Variants in KLHL32 observed in about 807,000 individuals in gnomAD.
KLHL32 encodes kelch like family member 32, also known as kelch-like protein 32.
Under a neutral mutation model 64.8 loss-of-function variants are expected in KLHL32, and 35 were observed. The observed-to-expected ratio is 0.54, with a 90% confidence interval of 0.41 to 0.72. The LOEUF (loss-of-function observed/expected upper bound fraction) is 0.72, where lower values mean the gene tolerates loss of function less well. Among genes scored for constraint, KLHL32 ranks in the 30% least tolerant of loss-of-function variants. The pLI is 0.00. For synonymous variants in KLHL32, 259 were observed against 281.0 expected (o/e 0.92, Z 0.78); for missense variants, 589 against 768.5 (o/e 0.77, Z 2.76).
chr6:96,942,770 A>G (rs188360426), intron 1 of KLHL32, among the ~76,000 whole-genome samples: 14 of 151,918 alleles, frequency 9.2e-5, no homozygotes, highest in Admixed American at 8.5e-4. Context: ...AGATTGAAAA[A>G]GACTTTCCCC....
At position 97,064,666 on chromosome 6, in the gene KLHL32, A is replaced by G; in HGVS notation, c.351A>G (p.Ala117=). 1 of 1,614,180 alleles carries G rather than the reference A, an allele frequency of 6.2e-7. No homozygotes were observed. Among genetic ancestry groups the G allele is most frequent in the Non-Finnish European group, 8.5e-7 (1 of 1,180,020 alleles). The change falls in exon 5 of 11, where the codon GCA becomes GCG. Residue 117 remains alanine (A), a synonymous_variant. Transcript: ENST00000369261. ...LEPGVIQDVL[A]AGSHLQLLEL... is the part of the protein sequence containing the mutation. Reference sequence around the variant, plus strand: ...CAGGTGTGATCCAGGATGTGCTAGCAGCGGGCAGTCACCTACAGCTGTTGG... The same window carrying G: ...CAGGTGTGATCCAGGATGTGCTAGCGGCGGGCAGTCACCTACAGCTGTTGG...
intron 1 of KLHL32, among the ~76,000 whole-genome samples, chr6:96,929,202 A>G (rs916640065): frequency 1.1e-4 from 16 of 152,198 alleles, no homozygotes; most frequent in Admixed American, 9.8e-4. Flanking sequence ...AGCACTGGGG[A>G]TATTTGTCAT....
chr6:97,066,947 A>G (rs557175638), intron 5 of KLHL32, among the ~76,000 whole-genome samples: 5 of 152,220 alleles, frequency 3.3e-5, no homozygotes, highest in African/African-American at 9.6e-5. Context: ...CCTTCAATCA[A>G]TGCTGATATA....
chr6:97,083,375 G>A (rs1225673378), intron 5 of KLHL32, among the ~76,000 whole-genome samples: 1 of 139,202 alleles, frequency 7.2e-6, no homozygotes, highest in Non-Finnish European at 1.5e-5. Context: ...GGGCGACAGA[G>A]CAAGACTCCG....
At chr6:97,013,503 A>G (rs1780686269) in intron 3 of KLHL32, among the ~76,000 whole-genome samples, 1 of 152,172 alleles carries the variant, frequency 6.6e-6, no homozygotes, top group Non-Finnish European at 1.5e-5. Context: ...TGTTTTTACT[A>G]AGAAAGTCCC....
At chr6:97,074,698 C>G (rs150398681) in intron 5 of KLHL32, among the ~76,000 whole-genome samples, 1,792 of 151,616 alleles carry the variant, frequency 0.012, 44 homozygotes, top group African/African-American at 0.042. Flanking sequence ...TTTCAGCAAT[C>G]TGACTTTGTG....
chr6:96,954,312 A>AT (rs71012579), intron 1 of KLHL32, among the ~76,000 whole-genome samples: 38,777 of 89,628 alleles, frequency 0.43, 8,420 homozygotes, highest in Non-Finnish European at 0.49. Context: ...CTTTCCTTCA[A>AT]TTTTTTTTTT....
At position 96,976,068 on chromosome 6, in the gene KLHL32, T is replaced by C; in HGVS notation, c.95T>C (p.Leu32Pro). The part of the protein sequence containing the change: ...ESHNDSVLAA[L>P]NQQRSDGILC... ...CACAATGACAGTGTCCTGGCAGCGCTGAATCAGCAGAGGAGTGATGGCATC... is the reference window on the plus strand; with the variant it reads ...CACAATGACAGTGTCCTGGCAGCGCCGAATCAGCAGAGGAGTGATGGCATC... The change falls in exon 3 of 11, where the codon CTG (leucine) becomes CCG (proline). Residue 32 changes from leucine (L) to proline (P), a missense_variant. Leu to Pro is a moderately conservative substitution (Grantham distance 98). Around this residue, in one of 3 missense-constraint regions of KLHL32, gnomAD observed 191 missense variants for 223.3 expected, o/e 0.86. Coordinates refer to ENST00000369261, the MANE Select transcript of KLHL32 (RefSeq NM_052904.4). The C allele has an allele frequency of 1.2e-6, 2 of 1,609,086 alleles. No homozygotes were observed. The highest frequency in any genetic ancestry group is 1.7e-6 in the Non-Finnish European group (2 of 1,176,674).
At chr6:96,995,726 G>A (rs1778341710) in intron 3 of KLHL32, among the ~76,000 whole-genome samples, 1 of 152,100 alleles carries the variant, frequency 6.6e-6, no homozygotes, top group African/African-American at 2.4e-5. Flanking sequence ...ATCTTCCAAG[G>A]TTTCTCACAA....
At chr6:97,022,765 C>T (rs1309870923) in intron 3 of KLHL32, among the ~76,000 whole-genome samples, 1 of 152,158 alleles carries the variant, frequency 6.6e-6, no homozygotes, top group Non-Finnish European at 1.5e-5. Context: ...CCATGGCGCC[C>T]AGCCCTGATC....
intron 6 of KLHL32, among the ~76,000 whole-genome samples, chr6:97,095,145 C>G (rs1430789141): frequency 1.3e-5 from 2 of 152,106 alleles, no homozygotes; most frequent in Non-Finnish European, 2.9e-5. Context: ...ACAGCTGAAA[C>G]TAAAACTAAA....
At chr6:97,055,909 A>C (rs1787784573) in intron 4 of KLHL32, among the ~76,000 whole-genome samples, 1 of 151,216 alleles carries the variant, frequency 6.6e-6, no homozygotes, top group Admixed American at 6.6e-5. Flanking sequence ...TGTTACATAA[A>C]GTTATTTTTC....
chr6:97,072,660 G>A (rs922359456), intron 5 of KLHL32, among the ~76,000 whole-genome samples: 3 of 150,782 alleles, frequency 2.0e-5, no homozygotes, highest in African/African-American at 7.3e-5. Context: ...CTCTTCATAC[G>A]AAACCTCCTT....
At chr6:96,905,738 T>C in the KLHL32 span, among the ~76,000 whole-genome samples, 2 of 152,216 alleles carry the variant, frequency 1.3e-5, no homozygotes, top group African/African-American at 2.4e-5. Flanking sequence ...ATAGGAAACA[T>C]TTTAATAATT....
chr6:96,966,979 CTT>C lies in KLHL32; in HGVS notation c.-65-16_-65-15del. ...CATTTAGCTCAATGCACCCTTTTCT[CTT>C]GTCTTTTTATTCAGCTGGAATGCTT... On this transcript the variant is annotated splice_polypyrimidine_tract_variant and intron_variant, in intron 1 of 10. Transcript: ENST00000369261. 7.6e-7 allele frequency: 1 copy of C among 1,322,570 alleles called. No homozygotes were observed. Among genetic ancestry groups the C allele is most frequent in the Non-Finnish European group, 1.1e-6 (1 of 921,858 alleles). The allele number at this position is 1,322,570 out of a possible 1,614,324, so 81.9% of individuals were successfully genotyped here. A position where few individuals can be genotyped will look rare whatever the true frequency, so the allele number is the denominator to read the frequency against.
intron 3 of KLHL32, among the ~76,000 whole-genome samples, chr6:97,000,070 A>G (rs754016869): frequency 6.6e-6 from 1 of 152,244 alleles, no homozygotes; most frequent in Non-Finnish European, 1.5e-5. Context: ...CCAATGGGAC[A>G]AAGAAGGAAA....
chr6:96,947,576 TTATTA>T (rs1248331895), intron 1 of KLHL32, among the ~76,000 whole-genome samples: 2 of 152,186 alleles, frequency 1.3e-5, no homozygotes, highest in Non-Finnish European at 2.9e-5. Flanking sequence ...TCTGATGCTT[TTATTA>T]ATGGCATACC....
intron 3 of KLHL32, among the ~76,000 whole-genome samples, chr6:97,008,940 A>G (rs1179184844): frequency 6.6e-6 from 1 of 152,082 alleles, no homozygotes; most frequent in Non-Finnish European, 1.5e-5. Flanking sequence ...TTATAGGATA[A>G]TTAATTAGAA....
chr6:96,920,609 T>A (rs1768722445), upstream of KLHL32, among the ~76,000 whole-genome samples: 1 of 152,104 alleles, frequency 6.6e-6, no homozygotes, highest in African/African-American at 2.4e-5. Flanking sequence ...CTTCTCTTCC[T>A]CTACTTTTAC....
Sources: gnomAD v4.1 joint callset for allele counts (sites outside exome capture counted in the v4.1 genomes callset) on GRCh38, gnomAD v4.1.1 for gene constraint, gnomAD v4.1.1 regional missense constraint, MANE v1.5 for transcripts, NCBI Gene and HGNC (gene_info 2026-07-23, HGNC 2026-07-21) for gene names.